The following GALNT4 variants were observed in gnomAD, a reference collection of about 807,000 sequenced individuals.
The protein encoded by GALNT4 is UDP-GalNAc:polypeptide N-acetylgalactosaminyltransferase 4.
In GALNT4, 23 loss-of-function variants were observed where a neutral mutation model predicts 45.1. The ratio of observed to expected loss-of-function variants is 0.51; its 90% CI spans 0.37 to 0.72. GALNT4 has a LOEUF of 0.72. Among genes scored for constraint, GALNT4 ranks in the 30% least tolerant of loss-of-function variants. The pLI is 0.00. For missense variants in GALNT4, 757 were observed against 709.0 expected (o/e 1.07, Z -0.77); for synonymous variants, 264 against 257.6 (o/e 1.02, Z -0.24).
In GALNT4 at chr12:89,524,706, C is replaced by T; in HGVS notation, c.-157G>A. The stretch of plus-strand genomic sequence containing the variant: ...CCAGCCACCCAGGCTTTCCAGGGGT[C>T]ACCTGAGCCCTCTCGGTCCTCGGCC... On this transcript the variant is annotated 5_prime_UTR_variant, in exon 1 of 1. Coordinates refer to ENST00000529983, the MANE Select transcript of GALNT4 (RefSeq NM_003774.5). 1 of 750,698 alleles carries T rather than the reference C, an allele frequency of 1.3e-6. No homozygotes were observed. The highest frequency in any genetic ancestry group is 2.2e-6 in the Non-Finnish European group (1 of 459,428). The allele number at this position is 750,698 out of a possible 1,614,324, so 46.5% of individuals were successfully genotyped here. A position where few individuals can be genotyped will look rare whatever the true frequency, so the allele number is the denominator to read the frequency against.
Position 89,520,899 on chromosome 12 carries a change from T to C in GALNT4, c.*1914A>G, listed in dbSNP as rs1870794288. Reference sequence around the variant, plus strand: ...AATATTGGTATAAAACCAGTAAAAATACTTTTAAAAAAAGCGTTTACTTCC... The same window carrying C: ...AATATTGGTATAAAACCAGTAAAAACACTTTTAAAAAAAGCGTTTACTTCC... On this transcript the variant is annotated 3_prime_UTR_variant, in exon 1 of 1. Transcript: ENST00000529983. 6.6e-6 allele frequency: 1 copy of C among 152,134 alleles called. No individual in the cohort carries two copies. Among genetic ancestry groups the C allele is most frequent in the Admixed American group, 6.6e-5 (1 of 15,266 alleles). 9.4% of individuals were successfully genotyped at this position (152,134 alleles called of 1,614,324 possible).
Position 89,523,272 on chromosome 12 carries a change from C to G in GALNT4, c.1278G>C (p.Trp426Cys). The change falls in exon 1 of 1, where the codon TGG becomes TGC. Residue 426 changes from tryptophan (W) to cysteine (C), a missense_variant. Coordinates refer to ENST00000529983, the MANE Select transcript of GALNT4 (RefSeq NM_003774.5). ...RERLRCKSFD[W>C]YLKNVFPNLH... ...AATTAGGAAAAACGTTTTTCAAATA[C>G]CAGTCAAAGCTCTTGCATCTCAACC... 6.2e-7 allele frequency: 1 copy of G among 1,614,044 alleles called. No individual in the cohort carries two copies. The highest frequency in any genetic ancestry group is 8.5e-7 in the Non-Finnish European group (1 of 1,179,904).
Position 89,523,234 on chromosome 12 carries a change from T to C in GALNT4, c.1316A>G (p.Glu439Gly), listed in dbSNP as rs1267208984. The change falls in exon 1 of 1, where the codon GAG becomes GGG. Residue 439 changes from glutamate (E) to glycine (G), a missense_variant. By Grantham distance (98) the Glu-to-Gly change is moderately conservative. Transcript: ENST00000529983. The stretch of plus-strand genomic sequence containing the variant: ...AGCCCCATGCCAGCCTGGTCTATCC[T>C]CTGGAACATGTAAATTAGGAAAAAC... ...KNVFPNLHVP[E>G]DRPGWHGAIR... The C allele has an allele frequency of 6.2e-7, 1 of 1,614,064 alleles. No individual in the cohort carries two copies. The highest frequency in any genetic ancestry group is 2.2e-5 in the East Asian group (1 of 44,890).
rs1225674263 is a variant in GALNT4 at position 89,524,272 on chromosome 12, T to C, written c.278A>G (p.Gln93Arg). 6 of 1,614,040 alleles carry C rather than the reference T, an allele frequency of 3.7e-6. No homozygotes were observed. The highest frequency in any genetic ancestry group is 5.1e-6 in the Non-Finnish European group (6 of 1,179,896). The change falls in exon 1 of 1, where the codon CAA (glutamine) becomes CGA (arginine). Residue 93 changes from glutamine to arginine, a missense_variant. By Grantham distance (43) the Gln-to-Arg change is conservative (BLOSUM62 1). Coordinates refer to ENST00000529983, the MANE Select transcript of GALNT4 (RefSeq NM_003774.5). ...GGCGTATCTCTCAATGAGTTCTTCTTGCTGCTTCAGTTCATCCTCGTTGAG... is the reference window on the plus strand; with the variant it reads ...GGCGTATCTCTCAATGAGTTCTTCTCGCTGCTTCAGTTCATCCTCGTTGAG... The part of the protein sequence containing the change: ...LQLNEDELKQ[Q>R]EELIERYAIN...
Position 89,521,838 on chromosome 12 carries a change from T to A in GALNT4, c.*975A>T, listed in dbSNP as rs1056863802. 3 of 397,252 alleles carry A rather than the reference T, an allele frequency of 7.6e-6. No individual in the cohort carries two copies. In the Admixed American group the frequency reaches 1.3e-4, roughly 17 times the overall value. The allele number at this position is 397,252 out of a possible 1,614,324, so 24.6% of individuals were successfully genotyped here. On this transcript the variant is annotated 3_prime_UTR_variant, in exon 1 of 1. Coordinates refer to ENST00000529983, the MANE Select transcript of GALNT4 (RefSeq NM_003774.5). ...TAAGATAAATTCTTAAATTTCCTGA[T>A]CAGCAGAACTCGTAGGAGAGTTCCA...
Position 89,521,330 on chromosome 12 carries a change from C to T in GALNT4, c.*1483G>A, listed in dbSNP as rs1263965757. On this transcript the variant is annotated 3_prime_UTR_variant, in exon 1 of 1. Transcript: ENST00000529983. ...ATGTTAGCCAGGATGGTCTGGATCTCCTGACCTCGTGATCCACCTGCCTTG... is the reference window on the plus strand; with the variant it reads ...ATGTTAGCCAGGATGGTCTGGATCTTCTGACCTCGTGATCCACCTGCCTTG... 2 of 152,116 alleles carry T rather than the reference C, an allele frequency of 1.3e-5. No homozygotes were observed. Among genetic ancestry groups the T allele is most frequent in the Non-Finnish European group, 2.9e-5 (2 of 68,086 alleles). 9.4% of individuals were successfully genotyped at this position (152,116 alleles called of 1,614,324 possible). A position where few individuals can be genotyped will look rare whatever the true frequency, so the allele number is the denominator to read the frequency against.
In GALNT4 at chr12:89,524,317, C is replaced by G; in HGVS notation, c.233G>C (p.Gly78Ala). 1 of 1,613,940 alleles carries G rather than the reference C, an allele frequency of 6.2e-7. No homozygotes were observed. Among genetic ancestry groups the G allele is most frequent in the Non-Finnish European group, 8.5e-7 (1 of 1,179,886 alleles). Residue 78 changes from glycine (G) to alanine (A), a missense_variant, in exon 1 of 1, where the codon GGG becomes GCG. Gly to Ala is a moderately conservative substitution (Grantham distance 60). Transcript: ENST00000529983. ...GTTGAGCTGGAGTTTGCTGGCTTTC[C>G]CCCACTCCCCAAGTGCACGGGAATC... Reference protein sequence around the residue: ...PADSRALGEWGKASKLQLNED... With the variant: ...PADSRALGEWAKASKLQLNED...
Position 89,523,883 on chromosome 12 carries a change from G to C in GALNT4, c.667C>G (p.Leu223Val). The change falls in exon 1 of 1, where the codon CTC (leucine) becomes GTC (valine). Residue 223 changes from leucine (L) to valine (V), a missense_variant. Transcript: ENST00000529983. ...TCACAGTGACAATCCAGGAAAGTGA[G>C]GACGTCCCCAGTGGCGAAAGTGGCC... ...IGATFATGDVLTFLDCHCECN... is the reference protein window; with the variant it reads ...IGATFATGDVVTFLDCHCECN... 1 of 1,575,090 alleles carries C rather than the reference G, an allele frequency of 6.3e-7. No homozygotes were observed. Among genetic ancestry groups the C allele is most frequent in the Non-Finnish European group, 8.6e-7 (1 of 1,164,766 alleles).
rs367956457 is a variant in GALNT4, at chr12:89,524,325, C to T, written c.225G>A (p.Gly75=). The T allele has an allele frequency of 4.5e-5, 72 of 1,614,036 alleles. 2 individuals carry two copies. The Middle Eastern group carries it at 1.2e-3, about 26-fold the overall frequency. ...KKPPADSRAL[G]EWGKASKLQL... is the part of the protein sequence containing the mutation. ...GGAGTTTGCTGGCTTTCCCCCACTC[C>T]CCAAGTGCACGGGAATCTGCAGGGG... The change falls in exon 1 of 1, where the codon GGG becomes GGA. Residue 75 remains glycine (G), a synonymous_variant. Coordinates refer to ENST00000529983, the MANE Select transcript of GALNT4 (RefSeq NM_003774.5).
rs536355251 is a variant in GALNT4 at position 89,522,046 on chromosome 12, A to G, written c.*767T>C. The stretch of plus-strand genomic sequence containing the variant: ...ATAACTTAAGGAAGTGCAATCAGAA[A>G]ATGCCCTACACACACAAACACGTTC... On this transcript the variant is annotated 3_prime_UTR_variant, in exon 1 of 1. Coordinates refer to ENST00000529983, the MANE Select transcript of GALNT4 (RefSeq NM_003774.5). 13 of 399,046 alleles carry G rather than the reference A, an allele frequency of 3.3e-5. 1 individual carries two copies. Among genetic ancestry groups the G allele is most frequent in the African/African-American group, 2.7e-4 (13 of 48,750 alleles). 24.7% of individuals were successfully genotyped at this position (399,046 alleles called of 1,614,324 possible). A position where few individuals can be genotyped will look rare whatever the true frequency, so the allele number is the denominator to read the frequency against.
In GALNT4 at chr12:89,522,834, T is replaced by G. The variant is rs754505884; in HGVS notation, c.1716A>C (p.Gln572His). ...TGCTCTATTTCTCAAAACTCCAAAT[T>G]TGATTTTTATCTAGAGCATCACAAG... ...MRTCDALDKN[Q>H]IWSFEK is the part of the protein sequence containing the mutation. The change falls in exon 1 of 1, where the codon CAA becomes CAC. Residue 572 changes from glutamine (Q) to histidine (H), a missense_variant. By Grantham distance (24) the Gln-to-His change is conservative (BLOSUM62 0). Coordinates refer to ENST00000529983, the MANE Select transcript of GALNT4 (RefSeq NM_003774.5). 2.5e-6 allele frequency: 4 copies of G among 1,585,814 alleles called. No individual in the cohort carries two copies. Among genetic ancestry groups the G allele is most frequent in the Non-Finnish European group, 3.4e-6 (4 of 1,167,894 alleles).
rs1870937275 is a variant in GALNT4 at position 89,522,134 on chromosome 12, C to T, written c.*679G>A. The T allele has an allele frequency of 5.0e-6, 2 of 398,920 alleles. No homozygotes were observed. The highest frequency in any genetic ancestry group is 7.1e-5 in the East Asian group (2 of 28,064). The allele number at this position is 398,920 out of a possible 1,614,324, so 24.7% of individuals were successfully genotyped here. On this transcript the variant is annotated 3_prime_UTR_variant, in exon 1 of 1. Coordinates refer to ENST00000529983, the MANE Select transcript of GALNT4 (RefSeq NM_003774.5). ...GTATTAATATATACATCAGTGAAGT[C>T]CAATAGCTCAAGTTTACAAAGTACG...
Position 89,522,795 on chromosome 12 carries a change from C to T in GALNT4, c.*18G>A, listed in dbSNP as rs375374574. The T allele has an allele frequency of 3.4e-5, 52 of 1,545,364 alleles. No individual in the cohort carries two copies. The African/African-American group carries it at 4.7e-4, about 14-fold the overall frequency. ...TCTTGACACTACTGTCAGCTCATGA[C>T]GAAAGTGCTGTTGTGCTCTATTTCT... On this transcript the variant is annotated 3_prime_UTR_variant, in exon 1 of 1. Coordinates refer to ENST00000529983, the MANE Select transcript of GALNT4 (RefSeq NM_003774.5).
At position 89,523,953 on chromosome 12, in the gene GALNT4, A is replaced by C. The variant is rs1431867877; in HGVS notation, c.597T>G (p.Ile199Met). The change falls in exon 1 of 1, where the codon ATT (isoleucine) becomes ATG (methionine). Residue 199 changes from isoleucine to methionine, a missense_variant. By Grantham distance (10) the Ile-to-Met change is conservative. Coordinates refer to ENST00000529983, the MANE Select transcript of GALNT4 (RefSeq NM_003774.5). Reference protein sequence around the residue: ...YISNLDRVRLIRTNKREGLVR... With the variant: ...YISNLDRVRLMRTNKREGLVR... ...CCAGCCCCTCTCGCTTATTGGTCCT[A>C]ATCAAGCGTACTCTATCAAGATTGC... 1 of 1,613,688 alleles carries C rather than the reference A, an allele frequency of 6.2e-7. No homozygotes were observed.
In GALNT4 at chr12:89,522,081, A is replaced by G. The variant is rs1345843033; in HGVS notation, c.*732T>C. Reference sequence around the variant, plus strand: ...ACACACAAACACGTTCACAGAGAAGACAGCTTACAAAATCAGAGGAATCTG... The same window carrying G: ...ACACACAAACACGTTCACAGAGAAGGCAGCTTACAAAATCAGAGGAATCTG... On this transcript the variant is annotated 3_prime_UTR_variant, in exon 1 of 1. Coordinates refer to ENST00000529983, the MANE Select transcript of GALNT4 (RefSeq NM_003774.5). 5.0e-6 allele frequency: 2 copies of G among 398,952 alleles called. No homozygotes were observed. Among genetic ancestry groups the G allele is most frequent in the African/African-American group, 4.1e-5 (2 of 48,642 alleles). 24.7% of individuals were successfully genotyped at this position (398,952 alleles called of 1,614,324 possible). A position where few individuals can be genotyped will look rare whatever the true frequency, so the allele number is the denominator to read the frequency against.
Position 89,524,761 on chromosome 12 carries a change from C to A in GALNT4, c.-212G>T. 1 of 635,184 alleles carries A rather than the reference C, an allele frequency of 1.6e-6. No homozygotes were observed. The highest frequency in any genetic ancestry group is 2.8e-6 in the Non-Finnish European group (1 of 360,542). The allele number at this position is 635,184 out of a possible 1,614,324, so 39.3% of individuals were successfully genotyped here. A position where few individuals can be genotyped will look rare whatever the true frequency, so the allele number is the denominator to read the frequency against. ...GCACAGCCCAACTCCTCTCTCCCTA[C>A]TTCCTCCTGCTCGGCTCACAACTTT... On this transcript the variant is annotated 5_prime_UTR_variant, in exon 1 of 1. Coordinates refer to ENST00000529983, the MANE Select transcript of GALNT4 (RefSeq NM_003774.5).
In GALNT4 at chr12:89,522,756, A is replaced by C. The variant is rs1317324603; in HGVS notation, c.*57T>G. 4.0e-6 allele frequency: 6 copies of C among 1,517,536 alleles called. No individual in the cohort carries two copies. Among genetic ancestry groups the C allele is most frequent in the African/African-American group, 1.4e-5 (1 of 71,624 alleles). The allele number at this position is 1,517,536 out of a possible 1,614,324, so 94.0% of individuals were successfully genotyped here. A position where few individuals can be genotyped will look rare whatever the true frequency, so the allele number is the denominator to read the frequency against. ...AATACAATCTTCACTGAGGCTCTTAAGGCTCTTTGACTTTCTTGACACTAC... is the reference window on the plus strand; with the variant it reads ...AATACAATCTTCACTGAGGCTCTTACGGCTCTTTGACTTTCTTGACACTAC... On this transcript the variant is annotated 3_prime_UTR_variant, in exon 1 of 1. Transcript: ENST00000529983.
chr12:89,520,324 A>G lies in GALNT4; in HGVS notation c.*2489T>C, dbSNP rs1207046369. 6.6e-6 allele frequency: 1 copy of G among 152,168 alleles called. No homozygotes were observed. Among genetic ancestry groups the G allele is most frequent in the African/African-American group, 2.4e-5 (1 of 41,458 alleles). 9.4% of individuals were successfully genotyped at this position (152,168 alleles called of 1,614,324 possible). On this transcript the variant is annotated 3_prime_UTR_variant, in exon 1 of 1. Coordinates refer to ENST00000529983, the MANE Select transcript of GALNT4 (RefSeq NM_003774.5). ...CTAAAATAAAAATAATGTAATAAGT[A>G]CTTTCAAAATATAACAATTTTCGTT...
In GALNT4 at chr12:89,520,395, A is replaced by G. The variant is rs1014843689; in HGVS notation, c.*2418T>C. ...AACAAGAAAACCAAAAATAAATAAA[A>G]AGAGAAAATTTAAAAATAAGTAAAA... On this transcript the variant is annotated 3_prime_UTR_variant, in exon 1 of 1. Transcript: ENST00000529983. The G allele has an allele frequency of 3.3e-5, 5 of 152,106 alleles. No homozygotes were observed. Among genetic ancestry groups the G allele is most frequent in the African/African-American group, 1.2e-4 (5 of 41,458 alleles). The allele number at this position is 152,106 out of a possible 1,614,324, so 9.4% of individuals were successfully genotyped here.
Sources: allele counts gnomAD v4.1 joint callset, GRCh38; gene constraint gnomAD v4.1.1; transcripts MANE v1.5; gene names NCBI Gene and HGNC (gene_info 2026-07-23, HGNC 2026-07-21).